Variants in TRIM45 observed in about 807,000 individuals in gnomAD.
The protein encoded by TRIM45 is E3 ubiquitin-protein ligase TRIM45.
In TRIM45, 45 loss-of-function variants were observed where a neutral mutation model predicts 46.7. The ratio of observed to expected loss-of-function variants is 0.96; its 90% CI spans 0.76 to 1.24. The LOEUF is 1.24. Ranked by LOEUF, TRIM45 falls within the 50% of genes most tolerant of loss-of-function variation. The probability of loss-of-function intolerance (pLI) is 0.00; values close to 1 mark genes in which losing one functional copy is unlikely to be tolerated. For missense variants in TRIM45, 680 were observed against 728.4 expected (o/e 0.93, Z 0.77); for synonymous variants, 259 against 285.8 (o/e 0.91, Z 0.94).
Position 117,120,870 on chromosome 1 carries a change from A to G in TRIM45, c.332T>C (p.Leu111Ser), listed in dbSNP as rs766399089. ...ATTCACGGCCAGGTGGTCTATGGTT[A>G]AAGCCTTCACTCCACCCATGGGCAG... ...VDLPMGGVKA[L>S]TIDHLAVNDV... Residue 111 changes from leucine to serine, a missense_variant, in exon 1 of 6, where the codon TTA (leucine) becomes TCA (serine). By Grantham distance (145) the Leu-to-Ser change is moderately radical (BLOSUM62 -2). This residue lies in a region of TRIM45 where 349 missense variants were observed against 343.6 expected (regional missense o/e 1.02). Transcript: ENST00000256649. The G allele has an allele frequency of 8.1e-6, 13 of 1,614,198 alleles. No homozygotes were observed. The South Asian group carries it at 1.4e-4, about 18-fold the overall frequency.
At position 117,111,384 on chromosome 1, in the gene TRIM45, T is replaced by C. The variant is rs1167433084; in HGVS notation, c.*921A>G. On this transcript the variant is annotated 3_prime_UTR_variant, in exon 6 of 6. Coordinates refer to ENST00000256649, the MANE Select transcript of TRIM45 (RefSeq NM_025188.4). ...ACTGTAATAAATGTATGAGGTTCTATTTCAACACCATTCCCCTTTATTAAC... is the reference window on the plus strand; with the variant it reads ...ACTGTAATAAATGTATGAGGTTCTACTTCAACACCATTCCCCTTTATTAAC... 6.6e-6 allele frequency: 1 copy of C among 152,258 alleles called. No homozygotes were observed. The highest frequency in any genetic ancestry group is 1.5e-5 in the Non-Finnish European group (1 of 68,048). The allele number at this position is 152,258 out of a possible 1,614,324, so 9.4% of individuals were successfully genotyped here.
rs533016681 is a variant in TRIM45, at chr1:117,115,616, C to T, written c.1426G>A (p.Val476Ile). 1.4e-5 allele frequency: 23 copies of T among 1,614,130 alleles called. No individual in the cohort carries two copies. The highest frequency in any genetic ancestry group is 2.2e-5 in the South Asian group (2 of 91,080). The change falls in exon 4 of 6, where the codon GTC becomes ATC. Residue 476 changes from valine (V) to isoleucine (I), a missense_variant. Around this residue, in one of 3 missense-constraint regions of TRIM45, gnomAD observed 322 missense variants for 359.3 expected, o/e 0.90. Coordinates refer to ENST00000256649, the MANE Select transcript of TRIM45 (RefSeq NM_025188.4). The surrounding 1 kb of genome is among the most constrained non-coding windows in gnomAD (Gnocchi z 4.2). ...YISYTPKEPG[V>I]YTVWVCIKEQ... ...TTGATGCAGACCCACACAGTATAGA[C>T]GCCAGGTTCCTTGGGGGTGTAGGAA...
chr1:117,111,959 A>AAG lies in TRIM45; in HGVS notation c.*345_*346insCT. ...GAGACTCTGTCTTTAAAAAAAAAAA[A>AAG]AAAAGAAAAAAAAAGGGTTATATCA... On this transcript the variant is annotated 3_prime_UTR_variant, in exon 6 of 6. Transcript: ENST00000256649. 6.4e-6 allele frequency: 1 copy of AAG among 157,212 alleles called. No homozygotes were observed. 9.7% of individuals were successfully genotyped at this position (157,212 alleles called of 1,614,324 possible). A position where few individuals can be genotyped will look rare whatever the true frequency, so the allele number is the denominator to read the frequency against.
Position 117,118,103 on chromosome 1 carries a change from C to G in TRIM45, c.1153G>C (p.Gly385Arg). The change falls in exon 2 of 6, where the codon GGC becomes CGC. Residue 385 changes from glycine to arginine, a missense_variant. Physicochemically the swap from Gly to Arg is moderately radical, Grantham distance 125 (BLOSUM62 -2). Transcript: ENST00000256649. This position sits in a 1 kb window ranked among gnomAD's most constrained non-coding sequence, Gnocchi z 5.7. ...TTAATCGTACCATAAATTTCATAGC[C>G]ACGGCACTGGCCTGCTTTCTCCTGA... is the stretch of plus-strand genomic sequence containing the variant. ...CPQEKAGQCR[G>R]YEIYGTINTK... 1 of 1,614,196 alleles carries G rather than the reference C, an allele frequency of 6.2e-7. No homozygotes were observed. The highest frequency in any genetic ancestry group is 8.5e-7 in the Non-Finnish European group (1 of 1,180,036).
Position 117,113,589 on chromosome 1 carries a change from T to A in TRIM45, c.1468-104A>T, listed in dbSNP as rs1361358195. The A allele has an allele frequency of 7.0e-7, 1 of 1,434,466 alleles. No homozygotes were observed. The highest frequency in any genetic ancestry group is 2.3e-5 in the Admixed American group (1 of 43,314). 88.9% of individuals were successfully genotyped at this position (1,434,466 alleles called of 1,614,324 possible). A position where few individuals can be genotyped will look rare whatever the true frequency, so the allele number is the denominator to read the frequency against. ...AGAGTCTGAGGCACAGGGCCTGTCCTTGGATGGACAAGGACAACAGGAAAG... is the reference window on the plus strand; with the variant it reads ...AGAGTCTGAGGCACAGGGCCTGTCCATGGATGGACAAGGACAACAGGAAAG... On this transcript the variant is annotated intron_variant, in intron 4 of 5. Transcript: ENST00000256649. This position sits in a 1 kb window ranked among gnomAD's most constrained non-coding sequence, Gnocchi z 4.0.
In TRIM45 at chr1:117,116,263, T is replaced by G. The variant is rs1049646247; in HGVS notation, c.1352+353A>C. The stretch of plus-strand genomic sequence containing the variant: ...TTTTTTTTTTTTTGGACCTGGGGTC[T>G]TGCTCTGTTGCCCAGGCTGGAGTGC... On this transcript the variant is annotated intron_variant, in intron 3 of 5. Coordinates refer to ENST00000256649, the MANE Select transcript of TRIM45 (RefSeq NM_025188.4). The surrounding 1 kb of genome is among the most constrained non-coding windows in gnomAD (Gnocchi z 4.6). 2.7e-4 allele frequency among the ~76,000 whole-genome samples: 41 copies of G among 151,888 alleles called. No individual in the cohort carries two copies. Among genetic ancestry groups the G allele is most frequent in the Non-Finnish European group, 8.8e-5 (6 of 67,968 alleles).
At position 117,121,044 on chromosome 1, in the gene TRIM45, A is replaced by T; in HGVS notation, c.158T>A (p.Leu53Gln). 2 of 1,614,192 alleles carry T rather than the reference A, an allele frequency of 1.2e-6. No homozygotes were observed. Among genetic ancestry groups the T allele is most frequent in the Non-Finnish European group, 1.7e-6 (2 of 1,180,038 alleles). Reference protein sequence around the residue: ...PCLHTVCTTCLEQLEPFSVVD... With the variant: ...PCLHTVCTTCQEQLEPFSVVD... ...TACTGAGAAGGGCTCCAGCTGCTCC[A>T]GACACGTGGTGCAAACTGTATGCAA... Residue 53 changes from leucine (L) to glutamine (Q), a missense_variant, in exon 1 of 6, where the codon CTG (leucine) becomes CAG (glutamine). Around this residue, in one of 3 missense-constraint regions of TRIM45, gnomAD observed 349 missense variants for 343.6 expected, o/e 1.02. Coordinates refer to ENST00000256649, the MANE Select transcript of TRIM45 (RefSeq NM_025188.4). The surrounding 1 kb of genome is among the most constrained non-coding windows in gnomAD (Gnocchi z 4.2).
At chr1:117,123,222 C>A (rs1650730129), upstream of TRIM45, among the ~76,000 whole-genome samples, 1 of 152,170 alleles carries the variant, frequency 6.6e-6, no homozygotes, top group Non-Finnish European at 1.5e-5. Flanking sequence ...AGCCTCTTGT[C>A]CTTCTTGCAT....
In TRIM45 at chr1:117,118,673, G is replaced by A. The variant is rs748968154; in HGVS notation, c.583C>T (p.Pro195Ser). 1 of 1,613,922 alleles carries A rather than the reference G, an allele frequency of 6.2e-7. No homozygotes were observed. The highest frequency in any genetic ancestry group is 8.5e-7 in the Non-Finnish European group (1 of 1,180,038). ...IGKPILCPVHPAEELRLFCEF... is the reference protein window; with the variant it reads ...IGKPILCPVHSAEELRLFCEF... The stretch of plus-strand genomic sequence containing the variant: ...CAGAACAGCCTCAGTTCCTCTGCAG[G>A]GTGAACAGGACACAGGATGGGCTTC... Residue 195 changes from proline (P) to serine (S), a missense_variant, in exon 2 of 6, where the codon CCT (proline) becomes TCT (serine). Pro to Ser is a moderately conservative substitution (Grantham distance 74). Transcript: ENST00000256649. This position sits in a 1 kb window ranked among gnomAD's most constrained non-coding sequence, Gnocchi z 5.7.
chr1:117,115,489 TG>T lies in TRIM45; in HGVS notation c.1467+85del. The T allele has an allele frequency of 1.0e-6, 1 of 959,354 alleles. No homozygotes were observed. Among genetic ancestry groups the T allele is most frequent in the Non-Finnish European group, 1.7e-6 (1 of 596,848 alleles). The allele number at this position is 959,354 out of a possible 1,614,324, so 59.4% of individuals were successfully genotyped here. A position where few individuals can be genotyped will look rare whatever the true frequency, so the allele number is the denominator to read the frequency against. ...ACATGGGGATTCTATTCAATCTCTCTGTATAGCTGATCCTATGTGAAATGTC... is the reference window on the plus strand; with the variant it reads ...ACATGGGGATTCTATTCAATCTCTCTTATAGCTGATCCTATGTGAAATGTC... On this transcript the variant is annotated intron_variant, in intron 4 of 5. Coordinates refer to ENST00000256649, the MANE Select transcript of TRIM45 (RefSeq NM_025188.4). The surrounding 1 kb of genome is among the most constrained non-coding windows in gnomAD (Gnocchi z 4.2).
upstream of TRIM45, chr1:117,122,245 G>A (rs1385246155): frequency 6.1e-6 from 1 of 163,148 alleles, no homozygotes; most frequent in Non-Finnish European, 1.3e-5. Context: ...GGGGGCGCCA[G>A]ACGTTTCTCC....
At position 117,115,447 on chromosome 1, in the gene TRIM45, C is replaced by G. The variant is rs1650362860; in HGVS notation, c.1467+128G>C. On this transcript the variant is annotated intron_variant, in intron 4 of 5. Transcript: ENST00000256649. This position sits in a 1 kb window ranked among gnomAD's most constrained non-coding sequence, Gnocchi z 4.2. ...AAGAGTAGCAAAATCTGGGCTGTTTCTAAAGTGAAGAAGAAGACATGGGGA... is the reference window on the plus strand; with the variant it reads ...AAGAGTAGCAAAATCTGGGCTGTTTGTAAAGTGAAGAAGAAGACATGGGGA... The G allele has an allele frequency of 4.3e-6, 3 of 692,412 alleles. No homozygotes were observed. Among genetic ancestry groups the G allele is most frequent in the Admixed American group, 5.4e-5 (2 of 36,948 alleles). 42.9% of individuals were successfully genotyped at this position (692,412 alleles called of 1,614,324 possible). A position where few individuals can be genotyped will look rare whatever the true frequency, so the allele number is the denominator to read the frequency against.
chr1:117,113,399 G>C lies in TRIM45; in HGVS notation c.1554C>G (p.Gly518=). ...CACAGGCGCAGCGAGCGGTTTTCTG[G>C]CCCCCGCTGGAGCAGAAGGTGCAGC... ...FHCCTFCSSG[G]QKTARCACGG... Residue 518 remains glycine, a synonymous_variant, in exon 5 of 6, where the codon GGC becomes GGG. Transcript: ENST00000256649. This position sits in a 1 kb window ranked among gnomAD's most constrained non-coding sequence, Gnocchi z 4.0. 6.2e-7 allele frequency: 1 copy of C among 1,612,300 alleles called. No individual in the cohort carries two copies. The highest frequency in any genetic ancestry group is 2.2e-5 in the East Asian group (1 of 44,882).
chr1:117,118,337 C>G lies in TRIM45; in HGVS notation c.919G>C (p.Glu307Gln). The G allele has an allele frequency of 6.2e-7, 1 of 1,614,196 alleles. No individual in the cohort carries two copies. Among genetic ancestry groups the G allele is most frequent in the African/African-American group, 1.3e-5 (1 of 75,054 alleles). The stretch of plus-strand genomic sequence containing the variant: ...GCCTTCTGCAGCTGCAGGGAATTTT[C>G]CTTCTGGGCCCGTATGTCTTCCAGC... ...KQLEDIRAQK[E>Q]NSLQLQKAQL... is the part of the protein sequence containing the mutation. The change falls in exon 2 of 6, where the codon GAA (glutamate) becomes CAA (glutamine). Residue 307 changes from glutamate (E) to glutamine (Q), a missense_variant. Glu to Gln is a conservative substitution (Grantham distance 29). This residue lies in a region of TRIM45 where 322 missense variants were observed against 359.3 expected (regional missense o/e 0.90). Transcript: ENST00000256649. This position sits in a 1 kb window ranked among gnomAD's most constrained non-coding sequence, Gnocchi z 5.7.
In TRIM45 at chr1:117,113,435, G is replaced by A. The variant is rs1456652929; in HGVS notation, c.1518C>T (p.Gly506=). The change falls in exon 5 of 6, where the codon GGC becomes GGT. Residue 506 remains glycine, a synonymous_variant. Coordinates refer to ENST00000256649, the MANE Select transcript of TRIM45 (RefSeq NM_025188.4). The surrounding 1 kb of genome is among the most constrained non-coding windows in gnomAD (Gnocchi z 4.0). ...AGCAGAAGGTGCAGCAGTGAAACAC[G>A]CCTGAGTGTGGGCGGTGCTTTCTCC... ...MVRRKHRPHS[G]VFHCCTFCSS... 21 of 1,612,692 alleles carry A rather than the reference G, an allele frequency of 1.3e-5. No homozygotes were observed. Among genetic ancestry groups the A allele is most frequent in the Middle Eastern group, 2.1e-4 (1 of 4,844 alleles).
In TRIM45 at chr1:117,118,960, A is replaced by G. The variant is rs143413490; in HGVS notation, c.489-193T>C. On this transcript the variant is annotated intron_variant, in intron 1 of 5. Transcript: ENST00000256649. This position sits in a 1 kb window ranked among gnomAD's most constrained non-coding sequence, Gnocchi z 5.7. ...TACAGTGGGGACAATACCTACCTGAAAGAGCTGTTGTATAGAATAACGTGT... is the reference window on the plus strand; with the variant it reads ...TACAGTGGGGACAATACCTACCTGAGAGAGCTGTTGTATAGAATAACGTGT... Among the ~76,000 whole-genome samples the G allele has an allele frequency of 1.3e-4, 20 of 152,362 alleles. 1 individual carries two copies. Among genetic ancestry groups the G allele is most frequent in the African/African-American group, 4.1e-4 (17 of 41,592 alleles).
At chr1:117,119,393 G>T (rs999959985) in intron 1 of TRIM45, among the ~76,000 whole-genome samples, 9 of 152,152 alleles carry the variant, frequency 5.9e-5, no homozygotes, top group Non-Finnish European at 1.0e-4. Flanking sequence ...ATCAACTGAG[G>T]TCAGGAGTTT....
chr1:117,121,538 C>A lies in TRIM45; in HGVS notation c.-337G>T. ...AAAGTCACCCCTGCACCTCTCGCTCCCTCCACTGCCACCCCCCTCCCGCCG... is the reference window on the plus strand; with the variant it reads ...AAAGTCACCCCTGCACCTCTCGCTCACTCCACTGCCACCCCCCTCCCGCCG... On this transcript the variant is annotated 5_prime_UTR_variant, in exon 1 of 6. Coordinates refer to ENST00000256649, the MANE Select transcript of TRIM45 (RefSeq NM_025188.4). The surrounding 1 kb of genome is among the most constrained non-coding windows in gnomAD (Gnocchi z 4.2). The A allele has an allele frequency of 1.9e-6, 1 of 532,582 alleles. No homozygotes were observed. The highest frequency in any genetic ancestry group is 3.3e-5 in the East Asian group (1 of 30,432). The allele number at this position is 532,582 out of a possible 1,614,324, so 33.0% of individuals were successfully genotyped here.
chr1:117,121,450 G>T lies in TRIM45; in HGVS notation c.-249C>A. 1 of 524,402 alleles carries T rather than the reference G, an allele frequency of 1.9e-6. No individual in the cohort carries two copies. Among genetic ancestry groups the T allele is most frequent in the Non-Finnish European group, 3.3e-6 (1 of 300,020 alleles). The allele number at this position is 524,402 out of a possible 1,614,324, so 32.5% of individuals were successfully genotyped here. A position where few individuals can be genotyped will look rare whatever the true frequency, so the allele number is the denominator to read the frequency against. On this transcript the variant is annotated 5_prime_UTR_variant, in exon 1 of 6. Transcript: ENST00000256649. This position sits in a 1 kb window ranked among gnomAD's most constrained non-coding sequence, Gnocchi z 4.2. ...ACCAGACACGCCCACGCCCTCCTCT[G>T]CCCCGCAAGTCCTCCCCGGATGCGC...
Sources: allele counts gnomAD v4.1 joint callset (sites outside exome capture counted in the v4.1 genomes callset), GRCh38; gene constraint gnomAD v4.1.1; regional missense constraint gnomAD v4.1.1; non-coding constraint Gnocchi (gnomAD v3.1); transcripts MANE v1.5; gene names NCBI Gene and HGNC (gene_info 2026-07-23, HGNC 2026-07-21).